SNED1: variants seen among roughly 807,000 people sequenced by gnomAD.
SNED1 encodes sushi, nidogen and EGF-like domain-containing protein 1.
Under a neutral mutation model 166.7 loss-of-function variants are expected in SNED1, and 81 were observed. That is an observed-to-expected ratio of 0.49 (90% CI 0.41 to 0.58). The LOEUF is 0.58. Among genes scored for constraint, SNED1 ranks in the 20% least tolerant of loss-of-function variants. The pLI is 0.00. For missense variants in SNED1, 1,604 were observed against 2,000.2 expected (o/e 0.80, Z 3.78); for synonymous variants, 762 against 822.0 (o/e 0.93, Z 1.25).
rs988025032 is a variant in SNED1 at position 241,064,275 on chromosome 2, A to G, written c.2599+150A>G. ...CCGCCGCCTTGGAAGTCCCCTTCTC[A>G]GGCCAGTGGCCCTCCGCCTGTCTCC... On this transcript the variant is annotated intron_variant, in intron 19 of 31. Transcript: ENST00000310397. The surrounding 1 kb of genome is among the most constrained non-coding windows in gnomAD (Gnocchi z 7.0). 15 of 593,100 alleles carry G rather than the reference A, an allele frequency of 2.5e-5. 1 individual carries two copies. Among genetic ancestry groups the G allele is most frequent in the South Asian group, 1.8e-4 (9 of 49,560 alleles). The allele number at this position is 593,100 out of a possible 1,614,324, so 36.7% of individuals were successfully genotyped here. A position where few individuals can be genotyped will look rare whatever the true frequency, so the allele number is the denominator to read the frequency against.
rs2061733143 is a variant in SNED1, at chr2:241,048,584, G to A, written c.1400-78G>A. ...GCAATTTGTATGGGAAGTTGGCCAGGAGCAGGGCAGGGTCTGGAGCGAGGG... is the reference window on the plus strand; with the variant it reads ...GCAATTTGTATGGGAAGTTGGCCAGAAGCAGGGCAGGGTCTGGAGCGAGGG... On this transcript the variant is annotated intron_variant, in intron 9 of 31. Transcript: ENST00000310397. 4 of 1,506,096 alleles carry A rather than the reference G, an allele frequency of 2.7e-6. No individual in the cohort carries two copies. The Admixed American group carries it at 8.0e-5, about 30-fold the overall frequency. The allele number at this position is 1,506,096 out of a possible 1,614,324, so 93.3% of individuals were successfully genotyped here.
Position 241,073,315 on chromosome 2 carries a change from G to A in SNED1, c.3867G>A (p.Arg1289=). 1 of 1,574,070 alleles carries A rather than the reference G, an allele frequency of 6.4e-7. No homozygotes were observed. Among genetic ancestry groups the A allele is most frequent in the South Asian group, 1.2e-5 (1 of 85,372 alleles). The part of the protein sequence containing the change: ...QLENMEEAPK[R]VSLALQLPEH... ...AGAACATGGAGGAAGCCCCCAAGCGGGTCAGCCTGGCCCTCCAGCTCCCTG... is the reference window on the plus strand; with the variant it reads ...AGAACATGGAGGAAGCCCCCAAGCGAGTCAGCCTGGCCCTCCAGCTCCCTG... Residue 1289 remains arginine, a synonymous_variant, in exon 27 of 32, where the codon CGG becomes CGA. Transcript: ENST00000310397. The surrounding 1 kb of genome is among the most constrained non-coding windows in gnomAD (Gnocchi z 6.6).
chr2:241,049,081 G>A lies in SNED1; in HGVS notation c.1564G>A (p.Glu522Lys). ...TQCPDGGYCM[E>K]HGGSYLCVCH... ...GTGCCCAGATGGGGGCTACTGCATGGAGCACGGCGGGAGCTACCTCTGCGT... is the reference window on the plus strand; with the variant it reads ...GTGCCCAGATGGGGGCTACTGCATGAAGCACGGCGGGAGCTACCTCTGCGT... The change falls in exon 11 of 32, where the codon GAG becomes AAG. Residue 522 changes from glutamate (E) to lysine (K), a missense_variant. Transcript: ENST00000310397. 1 of 1,613,536 alleles carries A rather than the reference G, an allele frequency of 6.2e-7. No individual in the cohort carries two copies. Among genetic ancestry groups the A allele is most frequent in the Non-Finnish European group, 8.5e-7 (1 of 1,179,736 alleles).
chr2:241,085,855 G>A (rs999362329), intron 29 of SNED1, among the ~76,000 whole-genome samples: 3 of 144,468 alleles, frequency 2.1e-5, no homozygotes, highest in Admixed American at 6.9e-5. Context: ...GCCTTTCTGC[G>A]GTTTCTTTTT....
intron 1 of SNED1, among the ~76,000 whole-genome samples, chr2:241,001,832 C>T (rs1487411095): frequency 6.6e-6 from 1 of 152,154 alleles, no homozygotes; most frequent in Non-Finnish European, 1.5e-5. Context: ...CCCGACAGAG[C>T]CCTGAGCAGA....
intron 21 of SNED1, 95 bp downstream of exon 21, chr2:241,065,690 A>C: frequency 9.4e-7 from 1 of 1,066,284 alleles, no homozygotes; most frequent in Admixed American, 2.4e-5. Flanking sequence ...CATGCCGTCC[A>C]CCCTCCTAGT....
In SNED1 at chr2:241,090,543, A is replaced by G. The variant is rs1029710161; in HGVS notation, c.*2-1095A>G. On this transcript the variant is annotated intron_variant, in intron 31 of 31. Coordinates refer to ENST00000310397, the MANE Select transcript of SNED1 (RefSeq NM_001080437.3). Reference sequence around the variant, plus strand: ...TGTACTCTACATAATTGTATGTGCTAGACTTCTATACACAGGGCAGTGCAG... The same window carrying G: ...TGTACTCTACATAATTGTATGTGCTGGACTTCTATACACAGGGCAGTGCAG... The G allele has an allele frequency of 4.4e-6, 6 of 1,374,022 alleles. No homozygotes were observed. In the Admixed American group the frequency reaches 9.6e-5, roughly 22 times the overall value. 85.1% of individuals were successfully genotyped at this position (1,374,022 alleles called of 1,614,324 possible).
At chr2:241,089,839 G>A in intron 31 of SNED1, 1 of 1,389,724 alleles carries the variant, frequency 7.2e-7, no homozygotes, top group Non-Finnish European at 9.5e-7. Context: ...AGGCTGTGTG[G>A]CAGAGCCCAT....
At chr2:241,040,440 C>A in intron 8 of SNED1, 27 bp downstream of exon 8, 1 of 1,446,702 alleles carries the variant, frequency 6.9e-7, no homozygotes, top group Non-Finnish European at 9.4e-7. Flanking sequence ...CTGCAGGCCA[C>A]CATGGCTGAT....
intron 10 of SNED1, 83 bp from the exon 11 acceptor site, chr2:241,048,939 G>A: frequency 7.5e-7 from 1 of 1,330,070 alleles, no homozygotes; most frequent in Non-Finnish European, 1.1e-6. Flanking sequence ...ACTGGGTCTT[G>A]GGAGGCCCCA....
intron 24 of SNED1, chr2:241,071,339 G>A (rs1295069606): frequency 2.4e-5 from 14 of 591,084 alleles, no homozygotes; most frequent in African/African-American, 1.1e-4. Flanking sequence ...GCCAGTGCAC[G>A]CCTGTGTCAT....
chr2:241,049,227 C>A, intron 11 of SNED1, 92 bp downstream of exon 11: 2 of 940,410 alleles, frequency 2.1e-6, no homozygotes, highest in Non-Finnish European at 3.3e-6. Context: ...GCCAGAGTCC[C>A]TACTTCCCTT....
intron 2 of SNED1, among the ~76,000 whole-genome samples, chr2:241,031,630 A>C (rs1000578285): frequency 1.3e-5 from 2 of 152,012 alleles, no homozygotes; most frequent in African/African-American, 4.8e-5. Flanking sequence ...AGCTTCATGC[A>C]TCTCCTCATT....
rs4497870 is a variant in SNED1 at position 241,018,260 on chromosome 2, A to T, written c.214-12024A>T. On this transcript the variant is annotated intron_variant, in intron 1 of 31. Coordinates refer to ENST00000310397, the MANE Select transcript of SNED1 (RefSeq NM_001080437.3). This position sits in a 1 kb window ranked among gnomAD's most constrained non-coding sequence, Gnocchi z 5.4. ...CGCTCAGATGACGGGGAAGCTATGA[A>T]TTCAAGTCAGCAAGATGGAAGCAAG... is the stretch of plus-strand genomic sequence containing the variant. Among the ~76,000 whole-genome samples, 1 of 152,086 alleles carries T rather than the reference A, an allele frequency of 6.6e-6. No homozygotes were observed. Among genetic ancestry groups the T allele is most frequent in the Non-Finnish European group, 1.5e-5 (1 of 68,004 alleles).
intron 8 of SNED1, among the ~76,000 whole-genome samples, chr2:241,040,729 C>T (rs2061500177): frequency 6.6e-6 from 1 of 152,208 alleles, no homozygotes. Context: ...TGACAAAGTT[C>T]ACAAGTCTCC....
chr2:241,044,879 C>T (rs776528697), intron 8 of SNED1, among the ~76,000 whole-genome samples: 11 of 152,220 alleles, frequency 7.2e-5, no homozygotes, highest in East Asian at 5.8e-4. Context: ...AAATAAAAGC[C>T]GCAGCGTTTT....
intron 1 of SNED1, among the ~76,000 whole-genome samples, chr2:241,028,247 ACT>A (rs745870068): frequency 5.9e-5 from 9 of 151,796 alleles, no homozygotes; most frequent in Non-Finnish European, 1.2e-4. Context: ...CTGCCTTTTT[ACT>A]CTGTTAATAG....
Position 240,998,829 on chromosome 2 carries a change from ACCT to A in SNED1, c.-6_-4del. ...CGCCAGCGCCCCGTCCCGCCCGCACACCTCCGCGATGCGGCACGGCGTCGCCTG... is the reference window on the plus strand; with the variant it reads ...CGCCAGCGCCCCGTCCCGCCCGCACACCGCGATGCGGCACGGCGTCGCCTG... On this transcript the variant is annotated 5_prime_UTR_variant, in exon 1 of 32. Coordinates refer to ENST00000310397, the MANE Select transcript of SNED1 (RefSeq NM_001080437.3). The A allele has an allele frequency of 2.5e-6, 3 of 1,190,602 alleles. No individual in the cohort carries two copies. The highest frequency in any genetic ancestry group is 3.1e-6 in the Non-Finnish European group (3 of 962,250). 73.8% of individuals were successfully genotyped at this position (1,190,602 alleles called of 1,614,324 possible).
chr2:241,063,762 A>T, intron 18 of SNED1, 62 bp downstream of exon 18: 1 of 1,220,204 alleles, frequency 8.2e-7, no homozygotes, highest in South Asian at 1.3e-5. Flanking sequence ...ATCAGAGAGG[A>T]GGTGGGGCAT....
Sources: gnomAD v4.1 joint callset for allele counts (sites outside exome capture counted in the v4.1 genomes callset) on GRCh38, gnomAD v4.1.1 for gene constraint, Gnocchi (gnomAD v3.1) non-coding constraint, MANE v1.5 for transcripts, NCBI Gene and HGNC (gene_info 2026-07-23, HGNC 2026-07-21) for gene names.